The following OOSP3 variants were observed in gnomAD, a reference collection of about 807,000 sequenced individuals.
The protein encoded by OOSP3 is oocyte-secreted protein 3.
chr11:59,895,371 G>A, intron 3 of OOSP3, 131 bp from the exon 4 acceptor site: 1 of 385,146 alleles, frequency 2.6e-6, no homozygotes, highest in Non-Finnish European at 4.6e-6. Context: ...CAGAGAGGTA[G>A]CAGTGTTAGT....
intron 2 of OOSP3, among the ~76,000 whole-genome samples, chr11:59,886,515 T>G (rs1348786941): frequency 6.6e-6 from 1 of 151,528 alleles, no homozygotes; most frequent in Non-Finnish European, 1.5e-5. Context: ...GTATTTCCAG[T>G]TGTAAATCTT....
rs73490922 is a variant in OOSP3, at chr11:59,879,002, T to C, written c.73+121T>C. The C allele has an allele frequency of 2.4e-3, 967 of 396,624 alleles. 7 individuals are homozygous for C. The highest frequency in any genetic ancestry group is 0.017 in the African/African-American group (824 of 48,664). 24.6% of individuals were successfully genotyped at this position (396,624 alleles called of 1,614,324 possible). ...CAGTATAGTTTTCTGACTTCTGTAG[T>C]GGTATTGCTTTCTCTTGTTTGCTCT... On this transcript the variant is annotated intron_variant, in intron 1 of 4. Coordinates refer to ENST00000646438, the Ensembl canonical transcript of OOSP3.
intron 2 of OOSP3, among the ~76,000 whole-genome samples, chr11:59,886,718 A>T (rs752519815): frequency 7.3e-5 from 11 of 151,476 alleles, no homozygotes; most frequent in Non-Finnish European, 1.6e-4. Flanking sequence ...ATGATCAGTG[A>T]TGTTGAGCTT....
intron 3 of OOSP3, 63 bp from the exon 4 acceptor site, chr11:59,895,439 A>G: frequency 1.0e-5 from 4 of 397,378 alleles, no homozygotes; most frequent in South Asian, 2.6e-4. Context: ...AAAGAGACTT[A>G]CTGGTTTGTT....
exon 5 of OOSP3, chr11:59,896,213 G>A (rs749110233): frequency 7.5e-6 from 3 of 398,180 alleles, no homozygotes; most frequent in Non-Finnish European, 1.3e-5. Flanking sequence ...CTATATTCTA[G>A]GTTCTTCCAT....
At chr11:59,890,297 G>A (rs1853299381) in intron 2 of OOSP3, among the ~76,000 whole-genome samples, 2 of 152,170 alleles carry the variant, frequency 1.3e-5, no homozygotes, top group South Asian at 4.1e-4. Flanking sequence ...ATATTGCTAT[G>A]TGTGAATTTG....
intron 2 of OOSP3, among the ~76,000 whole-genome samples, chr11:59,891,029 C>A (rs1853307344): frequency 6.6e-6 from 1 of 152,136 alleles, no homozygotes; most frequent in Non-Finnish European, 1.5e-5. Flanking sequence ...ATATATTCTT[C>A]AAGCTCTGAT....
intron 2 of OOSP3, among the ~76,000 whole-genome samples, chr11:59,892,632 T>C (rs1328333316): frequency 6.6e-6 from 1 of 152,068 alleles, no homozygotes; most frequent in East Asian, 1.9e-4. Flanking sequence ...TCTTTACTTA[T>C]TATATATAGG....
chr11:59,892,831 A>G (rs1853324725), intron 2 of OOSP3, among the ~76,000 whole-genome samples: 1 of 152,200 alleles, frequency 6.6e-6, no homozygotes, highest in Non-Finnish European at 1.5e-5. Flanking sequence ...CTTGAAATAG[A>G]ACAAGTTAAA....
chr11:59,881,362 C>CAAAAA (rs199571943), intron 2 of OOSP3, among the ~76,000 whole-genome samples: 1 of 116,028 alleles, frequency 8.6e-6, no homozygotes. Context: ...GAGACTATCT[C>CAAAAA]AAAAAAAAAA....
At chr11:59,892,155 G>C (rs963055237) in intron 2 of OOSP3, among the ~76,000 whole-genome samples, 1 of 152,208 alleles carries the variant, frequency 6.6e-6, no homozygotes. Flanking sequence ...CCAAGGCCCT[G>C]GTGGTGTGGG....
exon 1 of OOSP3, chr11:59,878,863 C>G: frequency 2.5e-6 from 1 of 398,478 alleles, no homozygotes; most frequent in Non-Finnish European, 4.4e-6. Context: ...GATTTTGACT[C>G]TTTCTGAGCA....
intron 3 of OOSP3, 56 bp from the exon 4 acceptor site, chr11:59,895,442 GGTTT>G: frequency 2.5e-6 from 1 of 397,264 alleles, no homozygotes; most frequent in Non-Finnish European, 4.4e-6. Flanking sequence ...GAGACTTACT[GGTTT>G]GTTTATTTTT....
intron 2 of OOSP3, among the ~76,000 whole-genome samples, chr11:59,881,865 C>T (rs1046978310): frequency 6.6e-6 from 1 of 151,572 alleles, no homozygotes; most frequent in Non-Finnish European, 1.5e-5. Flanking sequence ...AGCAAGACTC[C>T]GTCTCAAAAA....
rs1443762847 is a variant in OOSP3, at chr11:59,883,280, A to T, written c.252+2841A>T. 2.0e-5 allele frequency among the ~76,000 whole-genome samples: 3 copies of T among 152,208 alleles called. No homozygotes were observed. The East Asian group carries it at 5.8e-4, about 29-fold the overall frequency. ...TGGTTTCTTTCTTTACCACTCACCT[A>T]AAATACTAGTTTTAAAACTCACAGG... is the stretch of plus-strand genomic sequence containing the variant. On this transcript the variant is annotated intron_variant, in intron 2 of 4. Coordinates refer to ENST00000646438, the Ensembl canonical transcript of OOSP3.
exon 4 of OOSP3, chr11:59,895,569 G>A (rs989392854): frequency 1.3e-5 from 5 of 398,142 alleles, no homozygotes; most frequent in South Asian, 1.3e-4. Context: ...TGACCCTCCC[G>A]CTACCAATTC....
At chr11:59,879,601 G>C (rs917859656) in intron 1 of OOSP3, among the ~76,000 whole-genome samples, 2 of 151,928 alleles carry the variant, frequency 1.3e-5, no homozygotes, top group Non-Finnish European at 2.9e-5. Context: ...ATATGCTTCT[G>C]GTAGTAGAAT....
chr11:59,892,742 G>A (rs1468897399), intron 2 of OOSP3, among the ~76,000 whole-genome samples: 2 of 152,074 alleles, frequency 1.3e-5, no homozygotes, highest in African/African-American at 4.8e-5. Context: ...GGGCTTTTGA[G>A]GAGCTCCAAA....
intron 2 of OOSP3, among the ~76,000 whole-genome samples, chr11:59,892,787 A>G (rs937664747): frequency 5.3e-5 from 8 of 152,122 alleles, no homozygotes; most frequent in African/African-American, 1.9e-4. Context: ...TAGGCTGTTG[A>G]CTTTCATAGA....
Sources: gnomAD v4.1 joint callset for allele counts (sites outside exome capture counted in the v4.1 genomes callset) on GRCh38, gnomAD v4.1.1 for gene constraint, MANE v1.5 for transcripts, NCBI Gene and HGNC (gene_info 2026-07-23, HGNC 2026-07-21) for gene names.